FNIP2: variants seen among roughly 807,000 people sequenced by gnomAD.
FNIP2 encodes the protein folliculin interacting protein 2, also known as folliculin-interacting protein 2.
Under a neutral mutation model 108.7 loss-of-function variants are expected in FNIP2, and 32 were observed. The ratio of observed to expected loss-of-function variants is 0.29; its 90% CI spans 0.22 to 0.40. FNIP2 has a LOEUF of 0.40. Among genes scored for constraint, FNIP2 ranks in the 10% least tolerant of loss-of-function variants. The probability of loss-of-function intolerance (pLI) is 1.00; values close to 1 mark genes in which losing one functional copy is unlikely to be tolerated. For synonymous variants in FNIP2, 480 were observed against 496.7 expected, an observed-to-expected ratio of 0.97 and a Z score of 0.45; for missense variants, 1,202 against 1,381.6, an observed-to-expected ratio of 0.87 and a Z score of 2.06.
chr4:158,826,675 A>G (rs1464504769), intron 2 of FNIP2, among the ~76,000 whole-genome samples: 1 of 152,012 alleles, frequency 6.6e-6, no homozygotes, highest in Non-Finnish European at 1.5e-5. Context: ...GTGAGGATAG[A>G]GCAGCTCTTG....
intron 1 of FNIP2, among the ~76,000 whole-genome samples, chr4:158,790,822 G>A (rs1055670225): frequency 3.3e-5 from 5 of 151,996 alleles, no homozygotes; most frequent in African/African-American, 9.7e-5. Context: ...TCTAAGCTTA[G>A]TAGTATATAC....
In FNIP2 at chr4:158,828,118, T is replaced by TG. The variant is rs1384255122; in HGVS notation, c.235-960dup. On this transcript the variant is annotated intron_variant, in intron 2 of 16. Coordinates refer to ENST00000264433, the MANE Select transcript of FNIP2 (RefSeq NM_020840.3). ...GTTTATCCTTATACGTTTGTCACTG[T>TG]GATAAAAATTAGTGGCAAACTCTAG... Among the ~76,000 whole-genome samples the TG allele has an allele frequency of 7.9e-5, 12 of 152,336 alleles. No individual in the cohort carries two copies. The East Asian group carries it at 2.3e-3, about 29-fold the overall frequency.
chr4:158,815,348 A>T (rs989518270), intron 1 of FNIP2, among the ~76,000 whole-genome samples: 2 of 151,524 alleles, frequency 1.3e-5, no homozygotes, highest in Non-Finnish European at 1.5e-5. Flanking sequence ...GTGTAGAATG[A>T]AAAGTCTTCT....
At chr4:158,818,205 A>G (rs1047142315) in intron 1 of FNIP2, among the ~76,000 whole-genome samples, 2 of 152,252 alleles carry the variant, frequency 1.3e-5, no homozygotes, top group Non-Finnish European at 2.9e-5. Context: ...TGAACACATT[A>G]TTTAAAGACT....
chr4:158,824,537 C>G (rs577819382), intron 1 of FNIP2, among the ~76,000 whole-genome samples: 1 of 152,080 alleles, frequency 6.6e-6, no homozygotes, highest in Non-Finnish European at 1.5e-5. Flanking sequence ...CCCTTTCCCC[C>G]ACCTCTGCTG....
chr4:158,881,866 C>G (rs1192684283), intron 14 of FNIP2, among the ~76,000 whole-genome samples: 9 of 152,220 alleles, frequency 5.9e-5, no homozygotes, highest in Non-Finnish European at 1.0e-4. Context: ...CTCTGCCTGG[C>G]CGCCACCCCG....
chr4:158,790,588 A>C (rs1034102341), intron 1 of FNIP2, among the ~76,000 whole-genome samples: 2 of 151,956 alleles, frequency 1.3e-5, no homozygotes, highest in Non-Finnish European at 2.9e-5. Context: ...GCTCCAAAAA[A>C]TTTTGAAAAT....
At chr4:158,829,741 A>G (rs2126578211) in intron 3 of FNIP2, among the ~76,000 whole-genome samples, 1 of 151,010 alleles carries the variant, frequency 6.6e-6, no homozygotes, top group South Asian at 2.1e-4. Flanking sequence ...TGTGTGTATA[A>G]GGATAGGGGT....
chr4:158,873,163 AAAC>A (rs1781057401), intron 14 of FNIP2, among the ~76,000 whole-genome samples: 1 of 151,888 alleles, frequency 6.6e-6, no homozygotes. Context: ...AAAAAAGAAA[AAAC>A]AAACCTATTT....
At chr4:158,901,179 C>A (rs1293388604) in intron 16 of FNIP2, among the ~76,000 whole-genome samples, 1 of 136,810 alleles carries the variant, frequency 7.3e-6, no homozygotes, top group Non-Finnish European at 1.5e-5. Context: ...GTTGCCCAGG[C>A]TGGAGTGCAG....
chr4:158,835,555 A>G (rs1578888533), intron 7 of FNIP2, 79 bp downstream of exon 7: 1 of 1,289,024 alleles, frequency 7.8e-7, no homozygotes, highest in Non-Finnish European at 1.1e-6. Context: ...AGTAGAAGAC[A>G]GGTAGATAAC....
rs532930914 is a variant in FNIP2, at chr4:158,840,880, C to G, written c.727+5404C>G. Among the ~76,000 whole-genome samples, 9 of 152,310 alleles carry G rather than the reference C, an allele frequency of 5.9e-5. No homozygotes were observed. The South Asian group carries it at 1.0e-3, about 18-fold the overall frequency. On this transcript the variant is annotated intron_variant, in intron 7 of 16. Coordinates refer to ENST00000264433, the MANE Select transcript of FNIP2 (RefSeq NM_020840.3). ...CATTCTGTCTGCAACTGCATTTCCT[C>G]TGTTCTTAAAAGTGGTAAAATAAAG...
chr4:158,800,025 G>A (rs1776709727), intron 1 of FNIP2, among the ~76,000 whole-genome samples: 1 of 152,066 alleles, frequency 6.6e-6, no homozygotes, highest in African/African-American at 2.4e-5. Flanking sequence ...GCCTGACCTG[G>A]CCACCTCTTT....
At position 158,904,499 on chromosome 4, in the gene FNIP2, T is replaced by C. The variant is rs147769815; in HGVS notation, c.3300T>C (p.Ala1100=). ...CCAACGACCTGCCTCTGTTGACTGC[T>C]ATTGCCAGTACTCATTCTCCTTATG... ...IESNDLPLLT[A]IASTHSPYVA... is the part of the protein sequence containing the mutation. Residue 1100 remains alanine, a synonymous_variant, in exon 17 of 17, where the codon GCT becomes GCC. Transcript: ENST00000264433. 502 of 1,613,406 alleles carry C rather than the reference T, an allele frequency of 3.1e-4. 1 individual carries two copies. The African/African-American group carries it at 6.0e-3, about 19-fold the overall frequency.
chr4:158,798,388 G>A lies in FNIP2; in HGVS notation c.108-27528G>A, dbSNP rs187389978. Among the ~76,000 whole-genome samples the A allele has an allele frequency of 2.6e-5, 4 of 152,188 alleles. No individual in the cohort carries two copies. In the East Asian group the frequency reaches 7.7e-4, roughly 29 times the overall value. ...CCTTCTAGATTTTTTCTTAATCCAA[G>A]TCTTTACTCTCCATATATAAGAGAT... On this transcript the variant is annotated intron_variant, in intron 1 of 16. Transcript: ENST00000264433.
intron 16 of FNIP2, among the ~76,000 whole-genome samples, chr4:158,899,780 A>G (rs1783038548): frequency 6.6e-6 from 1 of 151,780 alleles, no homozygotes; most frequent in Non-Finnish European, 1.5e-5. Context: ...TATTTTGTTG[A>G]TCTTTTCAAA....
Position 158,869,414 on chromosome 4 carries a change from G to A in FNIP2, c.2778G>A (p.Glu926=). 6.2e-7 allele frequency: 1 copy of A among 1,600,220 alleles called. No homozygotes were observed. The highest frequency in any genetic ancestry group is 1.7e-5 in the Admixed American group (1 of 58,450). The change falls in exon 13 of 17, where the codon GAG becomes GAA. Residue 926 remains glutamate (E), a synonymous_variant. Coordinates refer to ENST00000264433, the MANE Select transcript of FNIP2 (RefSeq NM_020840.3). ...GDRTGGSLEV[E]LPLPRSQSIS... ...GGACTGGAGGGTCCTTGGAAGTGGAGCTGCCTCTGCCAAGGTAACTCCAGC... is the reference window on the plus strand; with the variant it reads ...GGACTGGAGGGTCCTTGGAAGTGGAACTGCCTCTGCCAAGGTAACTCCAGC...
At chr4:158,855,441 T>C (rs756999634) in intron 8 of FNIP2, among the ~76,000 whole-genome samples, 2 of 151,938 alleles carry the variant, frequency 1.3e-5, no homozygotes, top group Non-Finnish European at 2.9e-5. Flanking sequence ...TTGATTACTG[T>C]GCCCGTGAAG....
rs775171433 is a variant in FNIP2, at chr4:158,869,296, T to G, written c.2660T>G (p.Ile887Ser). ...KKANFRTEGD[I>S]PRNESSDSAL... ...GCCAACTTCAGGACTGAAGGAGACA[T>G]TCCCCGAAATGAAAGCTCAGATAGC... The change falls in exon 13 of 17, where the codon ATT becomes AGT. Residue 887 changes from isoleucine (I) to serine (S), a missense_variant. Ile to Ser is a moderately radical substitution (Grantham distance 142, BLOSUM62 -2). This residue lies in a region of FNIP2 where 878 missense variants were observed against 990.3 expected (regional missense o/e 0.89). Transcript: ENST00000264433. 1 of 1,613,858 alleles carries G rather than the reference T, an allele frequency of 6.2e-7. No individual in the cohort carries two copies. Among genetic ancestry groups the G allele is most frequent in the South Asian group, 1.1e-5 (1 of 91,062 alleles).
Sources: allele counts gnomAD v4.1 joint callset (sites outside exome capture counted in the v4.1 genomes callset), GRCh38; gene constraint gnomAD v4.1.1; regional missense constraint gnomAD v4.1.1; transcripts MANE v1.5; gene names NCBI Gene and HGNC (gene_info 2026-07-23, HGNC 2026-07-21).